NALF1: variants seen among roughly 807,000 people sequenced by gnomAD.
NALF1 encodes NALCN channel auxiliary factor 1.
In NALF1, 3 loss-of-function variants were observed where a neutral mutation model predicts 48.4. The observed-to-expected ratio is 0.06, with a 90% CI of 0.03 to 0.16. NALF1 has a LOEUF of 0.16. NALF1 is among the 10% of genes least tolerant of loss of function. NALF1 has a pLI of 1.00. For synonymous variants in NALF1, 262 were observed against 245.7 expected, an observed-to-expected ratio of 1.07 and a Z score of -0.62; for missense variants, 526 against 571.5, an observed-to-expected ratio of 0.92 and a Z score of 0.81.
chr13:107,407,913 C>T (rs953522401), intron 1 of NALF1, among the ~76,000 whole-genome samples: 5 of 152,016 alleles, frequency 3.3e-5, no homozygotes, highest in Admixed American at 1.3e-4. Context: ...GAGTACTATT[C>T]CTCCATTTAA....
chr13:107,502,725 A>G (rs1249067383), intron 1 of NALF1, among the ~76,000 whole-genome samples: 2 of 152,186 alleles, frequency 1.3e-5, no homozygotes, highest in African/African-American at 4.8e-5. Flanking sequence ...ACATGATTAA[A>G]TCTAGATGTT....
chr13:107,845,747 C>A (rs1880155373), intron 1 of NALF1, among the ~76,000 whole-genome samples: 1 of 152,134 alleles, frequency 6.6e-6, no homozygotes, highest in African/African-American at 2.4e-5. Flanking sequence ...CTTCCCCACT[C>A]TCTTTTAAAC....
chr13:107,420,430 G>A (rs1884166142), intron 1 of NALF1, among the ~76,000 whole-genome samples: 1 of 152,178 alleles, frequency 6.6e-6, no homozygotes, highest in South Asian at 2.1e-4. Context: ...AATACATCAT[G>A]TTTTAGCATT....
chr13:107,261,814 A>G (rs74114032), intron 1 of NALF1, among the ~76,000 whole-genome samples: 21 of 152,150 alleles, frequency 1.4e-4, no homozygotes, highest in Non-Finnish European at 2.2e-4. Flanking sequence ...ATAAATCACT[A>G]ATTTCATTAT....
intron 1 of NALF1, among the ~76,000 whole-genome samples, chr13:107,456,283 G>A (rs1156874367): frequency 6.6e-6 from 1 of 152,152 alleles, no homozygotes; most frequent in African/African-American, 2.4e-5. Flanking sequence ...TACAAGGCAT[G>A]AAAGTAAAAG....
rs541508469 is a variant in NALF1 at position 107,607,590 on chromosome 13, T to C, written c.915+258092A>G. Among the ~76,000 whole-genome samples the C allele has an allele frequency of 3.5e-4, 54 of 152,284 alleles. 1 individual carries two copies. The South Asian group carries it at 0.011, about 31-fold the overall frequency. ...ACTAAACAGAGGGTTATTATTTCTT[T>C]GGCTTAAAGACACCCACTTAGGAAG... On this transcript the variant is annotated intron_variant, in intron 1 of 2. Transcript: ENST00000375915.
chr13:107,634,172 T>C (rs1879913079), intron 1 of NALF1, among the ~76,000 whole-genome samples: 1 of 152,000 alleles, frequency 6.6e-6, no homozygotes, highest in Non-Finnish European at 1.5e-5. Flanking sequence ...AGAAAAAATG[T>C]ATTTAGTGAC....
chr13:107,170,660 G>A lies in NALF1; in HGVS notation c.1214C>T (p.Thr405Ile), dbSNP rs1352495251. 2 of 1,614,236 alleles carry A rather than the reference G, an allele frequency of 1.2e-6. No individual in the cohort carries two copies. The highest frequency in any genetic ancestry group is 1.1e-5 in the South Asian group (1 of 91,086). The change falls in exon 3 of 3, where the codon ACA becomes ATA. Residue 405 changes from threonine (T) to isoleucine (I), a missense_variant. Physicochemically the swap from Thr to Ile is moderately conservative, Grantham distance 89 (BLOSUM62 -1). Coordinates refer to ENST00000375915, the MANE Select transcript of NALF1 (RefSeq NM_001080396.3). ...KSGSCHRTSL[T>I]VSSATRLCNS... is the part of the protein sequence containing the mutation. ...GCACAGTCTTGTTGCTGATGACACTGTGAGCGATGTCCTGTGACAGGAGCC... is the reference window on the plus strand; with the variant it reads ...GCACAGTCTTGTTGCTGATGACACTATGAGCGATGTCCTGTGACAGGAGCC...
At chr13:107,541,721 C>A (rs1430598910) in intron 1 of NALF1, among the ~76,000 whole-genome samples, 11 of 152,038 alleles carry the variant, frequency 7.2e-5, no homozygotes, top group Non-Finnish European at 1.0e-4. Flanking sequence ...CATGGAACAA[C>A]AGATACAGAA....
At chr13:107,595,206 T>C (rs1594149108) in intron 1 of NALF1, among the ~76,000 whole-genome samples, 1 of 152,108 alleles carries the variant, frequency 6.6e-6, no homozygotes, top group East Asian at 1.9e-4. Flanking sequence ...CATTTGGAAA[T>C]TGTCAAACCA....
chr13:107,336,383 A>G (rs868207089), intron 1 of NALF1, among the ~76,000 whole-genome samples: 9 of 125,658 alleles, frequency 7.2e-5, no homozygotes, highest in Middle Eastern at 3.7e-3. Context: ...TAATAATAAT[A>G]ATAATAATAA....
At chr13:107,269,163 G>GA (rs1225879199) in intron 1 of NALF1, among the ~76,000 whole-genome samples, 6 of 135,342 alleles carry the variant, frequency 4.4e-5, no homozygotes, top group Non-Finnish European at 1.7e-5. Context: ...CCCTGTCTAT[G>GA]TTTAAAAAAA....
chr13:107,370,427 T>A (rs1208265961), intron 1 of NALF1, among the ~76,000 whole-genome samples: 2 of 152,148 alleles, frequency 1.3e-5, no homozygotes, highest in African/African-American at 2.4e-5. Context: ...ATCTCAAAAC[T>A]TACAAAGCCT....
chr13:107,752,032 C>T (rs1310298736), intron 1 of NALF1, among the ~76,000 whole-genome samples: 1 of 151,580 alleles, frequency 6.6e-6, no homozygotes, highest in African/African-American at 2.4e-5. Context: ...TTTAGAAAAA[C>T]ATTAATATAT....
chr13:107,726,034 T>C (rs901110657), intron 1 of NALF1, among the ~76,000 whole-genome samples: 10 of 152,128 alleles, frequency 6.6e-5, no homozygotes, highest in Non-Finnish European at 1.2e-4. Flanking sequence ...GTGGGGTGGA[T>C]GGGTGTGCCT....
At chr13:107,287,096 A>G (rs774800603) in intron 1 of NALF1, among the ~76,000 whole-genome samples, 1 of 152,236 alleles carries the variant, frequency 6.6e-6, no homozygotes, top group African/African-American at 2.4e-5. Flanking sequence ...ACATGCACGC[A>G]TAAACAGTAT....
chr13:107,538,017 AAAC>A (rs367954614), intron 1 of NALF1, among the ~76,000 whole-genome samples: 64 of 152,070 alleles, frequency 4.2e-4, no homozygotes, highest in African/African-American at 1.4e-3. Flanking sequence ...ACCCCATCTC[AAAC>A]AACAACAACA....
At chr13:107,433,974 T>C (rs1286135222) in intron 1 of NALF1, among the ~76,000 whole-genome samples, 6 of 152,186 alleles carry the variant, frequency 3.9e-5, no homozygotes, top group Admixed American at 3.9e-4. Flanking sequence ...TATTGCTATG[T>C]TACTAGAAAA....
intron 2 of NALF1, among the ~76,000 whole-genome samples, chr13:107,175,377 T>C (rs1878906515): frequency 6.6e-6 from 1 of 152,132 alleles, no homozygotes; most frequent in Non-Finnish European, 1.5e-5. Flanking sequence ...TGACTCTGGA[T>C]GTAAATCGAA....
Sources: allele counts gnomAD v4.1 joint callset (sites outside exome capture counted in the v4.1 genomes callset), GRCh38; gene constraint gnomAD v4.1.1; transcripts MANE v1.5; gene names NCBI Gene and HGNC (gene_info 2026-07-23, HGNC 2026-07-21).